CARM1: variants seen among roughly 807,000 people sequenced by gnomAD.
CARM1 encodes the protein coactivator associated arginine methyltransferase 1.
Under a neutral mutation model 72.7 loss-of-function variants are expected in CARM1, and 14 were observed. That is an observed-to-expected ratio of 0.19 (90% confidence interval 0.13 to 0.30). The LOEUF is 0.30. Ranked by LOEUF, CARM1 falls within the 10% of genes least tolerant of loss-of-function variation. The pLI, the probability that CARM1 is intolerant of heterozygous loss-of-function variation, is 1.00. For missense variants in CARM1, 432 were observed against 833.7 expected, an observed-to-expected ratio of 0.52 and a Z score of 5.93; for synonymous variants, 333 against 345.5, an observed-to-expected ratio of 0.96 and a Z score of 0.40.
chr19:10,877,476 G>A (rs546352897), intron 1 of CARM1, among the ~76,000 whole-genome samples: 1 of 152,232 alleles, frequency 6.6e-6, no homozygotes, highest in Admixed American at 6.5e-5. Flanking sequence ...AGGCTGGAGT[G>A]CAATGGCATG....
intron 1 of CARM1, among the ~76,000 whole-genome samples, chr19:10,875,653 T>A (rs2073858558): frequency 1.3e-5 from 2 of 152,124 alleles, no homozygotes; most frequent in South Asian, 4.1e-4. Flanking sequence ...CTCCATCTCC[T>A]GACCTCGTGA....
At chr19:10,911,515 T>C (rs1477592711) in intron 4 of CARM1, among the ~76,000 whole-genome samples, 2 of 152,240 alleles carry the variant, frequency 1.3e-5, no homozygotes, top group Non-Finnish European at 2.9e-5. Context: ...ATCAGTACCC[T>C]GAGGCCTTCC....
At chr19:10,914,431 G>A (rs577440056) in intron 6 of CARM1, among the ~76,000 whole-genome samples, 7 of 152,330 alleles carry the variant, frequency 4.6e-5, no homozygotes, top group African/African-American at 1.7e-4. Context: ...TGGGGTGGGC[G>A]AGCATGTGTG....
intron 8 of CARM1, chr19:10,918,963 A>G (rs1599711168): frequency 6.6e-6 from 1 of 152,326 alleles, no homozygotes; most frequent in Non-Finnish European, 1.5e-5. Flanking sequence ...TTAGTCGGAT[A>G]TAAACATTGC....
At chr19:10,919,572 G>C in intron 8 of CARM1, 23 bp from the exon 9 acceptor site, 1 of 1,585,032 alleles carries the variant, frequency 6.3e-7, no homozygotes, top group Non-Finnish European at 8.7e-7. Flanking sequence ...CAGATGCCAC[G>C]TCACACCTGT....
rs1169192672 is a variant in CARM1 at position 10,882,163 on chromosome 19, G to A, written c.220+10241G>A. Among the ~76,000 whole-genome samples, 3 of 152,182 alleles carry A rather than the reference G, an allele frequency of 2.0e-5. No homozygotes were observed. In the East Asian group the frequency reaches 5.8e-4, roughly 29 times the overall value. ...ATCGTCTACCCTAGAGGGTTGTTGT[G>A]AGTGGCGAGCTGATAGAAGTAAAGT... is the stretch of plus-strand genomic sequence containing the variant. On this transcript the variant is annotated intron_variant, in intron 1 of 15. Transcript: ENST00000327064.
chr19:10,908,763 C>T (rs2074123189), intron 3 of CARM1: 9 of 255,506 alleles, frequency 3.5e-5, no homozygotes, highest in South Asian at 3.2e-4. Flanking sequence ...GTTCGATCTG[C>T]TTCTCTTCTT....
chr19:10,894,773 C>CTCTG (rs1318767148), intron 1 of CARM1, among the ~76,000 whole-genome samples: 1 of 148,996 alleles, frequency 6.7e-6, no homozygotes, highest in Non-Finnish European at 1.5e-5. Flanking sequence ...TGGGGTCTCA[C>CTCTG]TCTGTCGCCC....
At chr19:10,887,436 G>A (rs923368497) in intron 1 of CARM1, among the ~76,000 whole-genome samples, 11 of 152,206 alleles carry the variant, frequency 7.2e-5, no homozygotes, top group African/African-American at 1.9e-4. Context: ...GTCCTGGGGC[G>A]GAAGGCGGCC....
chr19:10,912,217 C>T lies in CARM1; in HGVS notation c.592C>T (p.Leu198=). Residue 198 remains leucine, a synonymous_variant, in exon 5 of 16, where the codon CTG becomes TTG. Coordinates refer to ENST00000327064, the MANE Select transcript of CARM1 (RefSeq NM_199141.2). This position sits in a 1 kb window ranked among gnomAD's most constrained non-coding sequence, Gnocchi z 4.5. ...VLDVGCGSGI[L]SFFAAQAGAR... is the part of the protein sequence containing the mutation. Reference sequence around the variant, plus strand: ...TGATGTTGGCTGTGGCTCTGGGATCCTGTCGTTTTTTGCCGCCCAAGCTGG... The same window carrying T: ...TGATGTTGGCTGTGGCTCTGGGATCTTGTCGTTTTTTGCCGCCCAAGCTGG... 6.2e-7 allele frequency: 1 copy of T among 1,614,186 alleles called. No homozygotes were observed.
At chr19:10,906,881 T>C (rs1350318693) in intron 2 of CARM1, among the ~76,000 whole-genome samples, 1 of 141,776 alleles carries the variant, frequency 7.1e-6, no homozygotes, top group African/African-American at 2.6e-5. Context: ...TTTTATTTTA[T>C]TTTATTTTAT....
intron 1 of CARM1, among the ~76,000 whole-genome samples, chr19:10,872,375 C>T (rs998279490): frequency 1.3e-5 from 2 of 152,040 alleles, no homozygotes; most frequent in Non-Finnish European, 2.9e-5. Flanking sequence ...CCTCTGGGGA[C>T]CCCCTGGATA....
In CARM1 at chr19:10,915,704, G is replaced by T. The variant is rs934087761; in HGVS notation, c.848-703G>T. Among the ~76,000 whole-genome samples, 3 of 152,144 alleles carry T rather than the reference G, an allele frequency of 2.0e-5. No homozygotes were observed. Among genetic ancestry groups the T allele is most frequent in the African/African-American group, 4.8e-5 (2 of 41,446 alleles). The stretch of plus-strand genomic sequence containing the variant: ...AGGATCTCCTCCCCCAGCTTGCAAG[G>T]CTGGGGGGCCCACATCTGGAGGCCA... On this transcript the variant is annotated intron_variant, in intron 6 of 15. Coordinates refer to ENST00000327064, the MANE Select transcript of CARM1 (RefSeq NM_199141.2). The surrounding 1 kb of genome is among the most constrained non-coding windows in gnomAD (Gnocchi z 4.6).
Position 10,921,935 on chromosome 19 carries a change from C to T in CARM1, c.*178C>T. On this transcript the variant is annotated 3_prime_UTR_variant, in exon 16 of 16. Transcript: ENST00000327064. ...GTTGCCGCCGTCCCCACCCTAACCCCCACCTCCCGGCCCTGAGCGTGTGTC... is the reference window on the plus strand; with the variant it reads ...GTTGCCGCCGTCCCCACCCTAACCCTCACCTCCCGGCCCTGAGCGTGTGTC... The T allele has an allele frequency of 3.4e-6, 2 of 596,410 alleles. No individual in the cohort carries two copies. Among genetic ancestry groups the T allele is most frequent in the Non-Finnish European group, 5.7e-6 (2 of 349,416 alleles). 36.9% of individuals were successfully genotyped at this position (596,410 alleles called of 1,614,324 possible). A position where few individuals can be genotyped will look rare whatever the true frequency, so the allele number is the denominator to read the frequency against.
At chr19:10,914,886 T>C (rs1207637102) in intron 6 of CARM1, among the ~76,000 whole-genome samples, 3 of 152,236 alleles carry the variant, frequency 2.0e-5, no homozygotes, top group African/African-American at 7.2e-5. Context: ...CCCATCTGTC[T>C]TGGGGTCTGT....
rs539895704 is a variant in CARM1, at chr19:10,871,725, T to C, written c.23T>C (p.Val8Ala). ...AAGATGGCAGCGGCGGCGGCGGCGG[T>C]GGGGCCGGGCGCGGGCGGCGCGGGG... MAAAAAA[V>A]GPGAGGAGSA... The change falls in exon 1 of 16, where the codon GTG becomes GCG. Residue 8 changes from valine to alanine, a missense_variant. Around this residue, in one of 3 missense-constraint regions of CARM1, gnomAD observed 138 missense variants for 192.3 expected, o/e 0.72. Transcript: ENST00000327064. The surrounding 1 kb of genome is among the most constrained non-coding windows in gnomAD (Gnocchi z 5.6). 3.1e-6 allele frequency: 3 copies of C among 958,642 alleles called. No homozygotes were observed. Among genetic ancestry groups the C allele is most frequent in the Non-Finnish European group, 3.7e-6 (3 of 803,824 alleles). The allele number at this position is 958,642 out of a possible 1,614,324, so 59.4% of individuals were successfully genotyped here. A position where few individuals can be genotyped will look rare whatever the true frequency, so the allele number is the denominator to read the frequency against.
chr19:10,873,640 T>G lies in CARM1; in HGVS notation c.220+1718T>G, dbSNP rs1433665277. 1.6e-3 allele frequency among the ~76,000 whole-genome samples: 198 copies of G among 121,924 alleles called. 2 individuals carry two copies. Among genetic ancestry groups the G allele is most frequent in the African/African-American group, 5.9e-3 (187 of 31,722 alleles). The allele number at this position is 121,924 out of a possible 152,430, so 80.0% of individuals were successfully genotyped here. On this transcript the variant is annotated intron_variant, in intron 1 of 15. Transcript: ENST00000327064. ...TTTAGTTTAGTTTTTTTTTTTTTTT[T>G]TTTTTTTTTTTTTTTTTGAGACAGA...
chr19:10,882,534 CT>C lies in CARM1; in HGVS notation c.220+10637del, dbSNP rs869046901. On this transcript the variant is annotated intron_variant, in intron 1 of 15. Coordinates refer to ENST00000327064, the MANE Select transcript of CARM1 (RefSeq NM_199141.2). ...CCCCCCAATCTCCAGTGCACTCTGTCTTTTTTTTTTTTTTTTTTTTTTTTTG... is the reference window on the plus strand; with the variant it reads ...CCCCCCAATCTCCAGTGCACTCTGTCTTTTTTTTTTTTTTTTTTTTTTTTG... Among the ~76,000 whole-genome samples the C allele has an allele frequency of 1.6e-3, 140 of 85,962 alleles. 1 individual carries two copies. Among genetic ancestry groups the C allele is most frequent in the Middle Eastern group, 9.4e-3 (1 of 106 alleles). 56.4% of individuals were successfully genotyped at this position (85,962 alleles called of 152,430 possible).
chr19:10,882,274 G>T (rs548130401), intron 1 of CARM1, among the ~76,000 whole-genome samples: 3 of 152,264 alleles, frequency 2.0e-5, no homozygotes, highest in African/African-American at 4.8e-5. Flanking sequence ...GGCATGCAGT[G>T]GGGGGGATGG....
Sources: allele counts gnomAD v4.1 joint callset (sites outside exome capture counted in the v4.1 genomes callset), GRCh38; gene constraint gnomAD v4.1.1; regional missense constraint gnomAD v4.1.1; non-coding constraint Gnocchi (gnomAD v3.1); transcripts MANE v1.5; gene names NCBI Gene and HGNC (gene_info 2026-07-23, HGNC 2026-07-21).